DNER: variants seen among roughly 807,000 people sequenced by gnomAD.
DNER encodes delta/notch like EGF repeat containing.
DNER carries 33 observed loss-of-function variants against 78.2 expected under a neutral mutation model. The observed-to-expected ratio is 0.42, with a 90% CI of 0.32 to 0.56. DNER has a LOEUF of 0.56. Among genes scored for constraint, DNER ranks in the 20% least tolerant of loss-of-function variants. The pLI, the probability that DNER is intolerant of heterozygous loss-of-function variation, is 0.11. For synonymous variants in DNER, 417 were observed against 384.8 expected, an observed-to-expected ratio of 1.08 and a Z score of -0.98; for missense variants, 918 against 975.3, an observed-to-expected ratio of 0.94 and a Z score of 0.78.
chr2:229,383,491 T>C (rs948139597), intron 11 of DNER, among the ~76,000 whole-genome samples: 4 of 152,112 alleles, frequency 2.6e-5, no homozygotes, highest in Non-Finnish European at 4.4e-5. Flanking sequence ...TCAAGACCCA[T>C]TGGTGTGCTG....
intron 5 of DNER, among the ~76,000 whole-genome samples, chr2:229,540,981 T>C (rs1696501340): frequency 6.6e-6 from 1 of 152,240 alleles, no homozygotes; most frequent in African/African-American, 2.4e-5. Context: ...ACAGGAAAAC[T>C]ATGGGATTGT....
At chr2:229,460,473 C>T (rs1254104525) in intron 7 of DNER, among the ~76,000 whole-genome samples, 2 of 151,712 alleles carry the variant, frequency 1.3e-5, no homozygotes, top group African/African-American at 4.8e-5. Context: ...CTTTTTAGAG[C>T]TGATTGGTTT....
rs140972685 is a variant in DNER, at chr2:229,490,168, G to C, written c.1148-12915C>G. Among the ~76,000 whole-genome samples the C allele has an allele frequency of 5.3e-4, 81 of 152,292 alleles. No homozygotes were observed. The Middle Eastern group carries it at 0.01, about 19-fold the overall frequency. On this transcript the variant is annotated intron_variant, in intron 6 of 12. Coordinates refer to ENST00000341772, the MANE Select transcript of DNER (RefSeq NM_139072.4). Reference sequence around the variant, plus strand: ...AAGGCCAGAGAATCCTTGTGAACAAGAAGCCAGGAAAGAAGCAGGGAGGGA... The same window carrying C: ...AAGGCCAGAGAATCCTTGTGAACAACAAGCCAGGAAAGAAGCAGGGAGGGA...
chr2:229,714,384 G>A lies in DNER; in HGVS notation c.40C>T (p.Leu14=). ...AGCAGCAGCAGGGCCAGCGCGGGCA[G>A]CAGCTGCGCACCGGGCGCCTGGGCG... The part of the protein sequence containing the change: ...RRAQAPGAQL[L]PALALLLLLL... Residue 14 remains leucine (L), a synonymous_variant, in exon 1 of 13, where the codon CTG becomes TTG. Transcript: ENST00000341772. 1 of 1,203,800 alleles carries A rather than the reference G, an allele frequency of 8.3e-7. No homozygotes were observed. The allele number at this position is 1,203,800 out of a possible 1,614,324, so 74.6% of individuals were successfully genotyped here.
intron 1 of DNER, among the ~76,000 whole-genome samples, chr2:229,698,864 A>G (rs1699701105): frequency 1.3e-5 from 2 of 152,244 alleles, no homozygotes; most frequent in African/African-American, 4.8e-5. Context: ...CAGAAATAAA[A>G]GAATTCCCTT....
Position 229,429,570 on chromosome 2 carries a change from G to A in DNER, c.1487-11340C>T, listed in dbSNP as rs17676763. Among the ~76,000 whole-genome samples the A allele has an allele frequency of 2.7e-4, 41 of 152,262 alleles. No homozygotes were observed. The East Asian group carries it at 6.8e-3, about 25-fold the overall frequency. On this transcript the variant is annotated intron_variant, in intron 8 of 12. Coordinates refer to ENST00000341772, the MANE Select transcript of DNER (RefSeq NM_139072.4). ...AACGTGATTTTAAAAGACAACCTGGGTGCCGTACTTCTGAAATAGGTGCCC... is the reference window on the plus strand; with the variant it reads ...AACGTGATTTTAAAAGACAACCTGGATGCCGTACTTCTGAAATAGGTGCCC...
chr2:229,706,813 C>T (rs938020599), intron 1 of DNER, among the ~76,000 whole-genome samples: 8 of 152,088 alleles, frequency 5.3e-5, no homozygotes, highest in African/African-American at 1.9e-4. Context: ...TGGGCTCAAG[C>T]GATCCTCCCA....
intron 11 of DNER, among the ~76,000 whole-genome samples, chr2:229,377,446 A>G (rs1423000151): frequency 2.0e-5 from 3 of 152,226 alleles, no homozygotes; most frequent in Non-Finnish European, 4.4e-5. Context: ...CTAGGAAGGC[A>G]TATTTTCCTT....
At chr2:229,451,184 C>T (rs979393396) in intron 7 of DNER, among the ~76,000 whole-genome samples, 3 of 152,184 alleles carry the variant, frequency 2.0e-5, no homozygotes, top group Admixed American at 6.5e-5. Flanking sequence ...ACAGGCCAGG[C>T]GTGATGGCTC....
chr2:229,453,836 C>A (rs761423204), intron 7 of DNER, among the ~76,000 whole-genome samples: 1 of 147,640 alleles, frequency 6.8e-6, no homozygotes, highest in South Asian at 2.1e-4. Flanking sequence ...GACAGACAGG[C>A]AGACAGACGG....
At chr2:229,684,524 G>A (rs1699452135) in intron 1 of DNER, among the ~76,000 whole-genome samples, 1 of 152,052 alleles carries the variant, frequency 6.6e-6, no homozygotes, top group Non-Finnish European at 1.5e-5. Context: ...GAGCTCCAGA[G>A]GAACACCTCC....
chr2:229,679,333 A>T (rs547622114), intron 1 of DNER, among the ~76,000 whole-genome samples: 1 of 152,364 alleles, frequency 6.6e-6, no homozygotes, highest in South Asian at 2.1e-4. Context: ...TAAGGAAAGA[A>T]GGAGCTCAGC....
intron 1 of DNER, among the ~76,000 whole-genome samples, chr2:229,648,635 T>C (rs573117462): frequency 5.4e-4 from 82 of 152,376 alleles, no homozygotes; most frequent in Admixed American, 1.6e-3. Context: ...ATATCTAGTT[T>C]TCCAAAGAAT....
At chr2:229,440,361 T>A (rs1220812545) in intron 8 of DNER, among the ~76,000 whole-genome samples, 1 of 152,142 alleles carries the variant, frequency 6.6e-6, no homozygotes, top group Non-Finnish European at 1.5e-5. Context: ...ACTCAGCTCC[T>A]CACGCCCTGG....
intron 1 of DNER, among the ~76,000 whole-genome samples, chr2:229,663,032 C>A (rs919865648): frequency 3.3e-5 from 5 of 152,200 alleles, no homozygotes; most frequent in Non-Finnish European, 1.5e-5. Flanking sequence ...CTAAGAAAAA[C>A]CACACTGGGC....
intron 7 of DNER, among the ~76,000 whole-genome samples, chr2:229,468,806 C>T (rs1200592438): frequency 6.6e-6 from 1 of 152,146 alleles, no homozygotes; most frequent in East Asian, 1.9e-4. Flanking sequence ...CTGGAGAAGG[C>T]ATACCACGAG....
intron 8 of DNER, among the ~76,000 whole-genome samples, chr2:229,429,695 G>A (rs1474499589): frequency 6.6e-6 from 1 of 152,184 alleles, no homozygotes; most frequent in Non-Finnish European, 1.5e-5. Flanking sequence ...GCTTACTAGA[G>A]AAGCACAATA....
intron 8 of DNER, among the ~76,000 whole-genome samples, chr2:229,432,288 A>G (rs1333889833): frequency 6.6e-6 from 1 of 152,150 alleles, no homozygotes; most frequent in African/African-American, 2.4e-5. Context: ...AGAAAAGCAA[A>G]GGTAGACATA....
chr2:229,536,122 T>C (rs1696399005), intron 5 of DNER, among the ~76,000 whole-genome samples: 1 of 152,084 alleles, frequency 6.6e-6, no homozygotes, highest in Non-Finnish European at 1.5e-5. Flanking sequence ...ATGCTAAAAG[T>C]TTTTCCCTCA....
Sources: allele counts gnomAD v4.1 joint callset (sites outside exome capture counted in the v4.1 genomes callset), GRCh38; gene constraint gnomAD v4.1.1; transcripts MANE v1.5; gene names NCBI Gene and HGNC (gene_info 2026-07-23, HGNC 2026-07-21).